The following MYLK3 variants were observed in gnomAD, a reference collection of about 807,000 sequenced individuals.
MYLK3 encodes the protein myosin light chain kinase 3, also known as MLC kinase.
MYLK3 carries 55 observed loss-of-function variants against 76.3 expected under a neutral mutation model. The ratio of observed to expected loss-of-function variants is 0.72; its 90% CI spans 0.58 to 0.90. MYLK3 has a LOEUF of 0.90. Ranked by LOEUF, MYLK3 falls within the 40% of genes least tolerant of loss-of-function variation. MYLK3 has a pLI of 0.00. For synonymous variants in MYLK3, 416 were observed against 425.4 expected (o/e 0.98, Z 0.27); for missense variants, 973 against 1,053.6 (o/e 0.92, Z 1.06).
chr16:46,737,657 C>T (rs1430627514), intron 3 of MYLK3, 54 bp downstream of exon 3: 5 of 1,504,580 alleles, frequency 3.3e-6, no homozygotes, highest in Non-Finnish European at 3.6e-6. Flanking sequence ...CGAGCTCCAG[C>T]GAGGGGCCAC....
intron 8 of MYLK3, among the ~76,000 whole-genome samples, chr16:46,725,454 T>A (rs1312555156): frequency 6.6e-6 from 1 of 152,228 alleles, no homozygotes; most frequent in Non-Finnish European, 1.5e-5. Context: ...GAAGTTCTGT[T>A]CCTCATTTGT....
At chr16:46,710,973 A>G (rs1966677882) in intron 10 of MYLK3, 184 bp from the exon 11 acceptor site, 1 of 662,184 alleles carries the variant, frequency 1.5e-6, no homozygotes, top group Non-Finnish European at 2.5e-6. Context: ...GAGGAAGCGG[A>G]AGGATTTAAA....
At chr16:46,737,124 G>A (rs1401501443) in intron 3 of MYLK3, among the ~76,000 whole-genome samples, 2 of 152,226 alleles carry the variant, frequency 1.3e-5, no homozygotes, top group Non-Finnish European at 2.9e-5. Context: ...GAAGCAGGAT[G>A]GTGCAGTGAT....
chr16:46,743,559 A>G (rs1478561832), intron 1 of MYLK3, among the ~76,000 whole-genome samples: 1 of 152,180 alleles, frequency 6.6e-6, no homozygotes, highest in Non-Finnish European at 1.5e-5. Flanking sequence ...AAACCTAAAG[A>G]CATTCCTAAC....
chr16:46,727,736 A>G (rs1293888284), intron 7 of MYLK3, among the ~76,000 whole-genome samples: 1 of 152,208 alleles, frequency 6.6e-6, no homozygotes, highest in East Asian at 1.9e-4. Context: ...CATGTCGGTC[A>G]GCCTTGTCTC....
rs746274347 is a variant in MYLK3, at chr16:46,732,179, G to A, written c.1462+29C>T. ...TCCAAACTCCCTCCCCTCAGGGCTC[G>A]TGTCTAGCCAGGCAACAGCCCCACT... is the stretch of plus-strand genomic sequence containing the variant. On this transcript the variant is annotated intron_variant, in intron 4 of 12. Coordinates refer to ENST00000394809, the MANE Select transcript of MYLK3 (RefSeq NM_182493.3). 1.8e-5 allele frequency: 27 copies of A among 1,533,090 alleles called. 1 individual carries two copies. The highest frequency in any genetic ancestry group is 1.2e-4 in the South Asian group (10 of 81,278). 95.0% of individuals were successfully genotyped at this position (1,533,090 alleles called of 1,614,324 possible). A position where few individuals can be genotyped will look rare whatever the true frequency, so the allele number is the denominator to read the frequency against.
intron 8 of MYLK3, chr16:46,725,848 A>T (rs984669819): frequency 6.6e-6 from 1 of 152,154 alleles, no homozygotes; most frequent in Non-Finnish European, 1.5e-5. Context: ...ATTCTTCTTC[A>T]AACATTTGGT....
upstream of MYLK3, among the ~76,000 whole-genome samples, chr16:46,748,649 G>T (rs1184420122): frequency 1.3e-5 from 2 of 152,154 alleles, no homozygotes; most frequent in Non-Finnish European, 2.9e-5. This position sits in a 1 kb window ranked among gnomAD's most constrained non-coding sequence, Gnocchi z 4.3. Context: ...GTCCTTAGAG[G>T]CCCAGAGCCC....
intron 1 of MYLK3, among the ~76,000 whole-genome samples, chr16:46,741,482 G>A (rs989958482): frequency 1.3e-5 from 2 of 152,236 alleles, no homozygotes; most frequent in Admixed American, 1.3e-4. Context: ...CCTCTTGCAA[G>A]AGCATGGTGC....
rs144785244 is a variant in MYLK3 at position 46,761,866 on chromosome 16, T to C, written c.-114+1174A>G. 7.3e-3 allele frequency among the ~76,000 whole-genome samples: 1,097 copies of C among 150,820 alleles called. 14 individuals carry two copies. Among genetic ancestry groups the C allele is most frequent in the African/African-American group, 0.025 (1,030 of 41,002 alleles). ...AATTCCACAGGCTGTAATGTGTGTG[T>C]ATTGCACTGCATGTAAGTCATGCCT... On this transcript the variant is annotated intron_variant, in intron 1 of 11. Transcript: ENST00000536476.
At chr16:46,716,473 A>G (rs1031235610) in intron 9 of MYLK3, among the ~76,000 whole-genome samples, 13 of 146,400 alleles carry the variant, frequency 8.9e-5, no homozygotes, top group Admixed American at 2.2e-4. Flanking sequence ...GTATATATAT[A>G]TGTGTGTGTG....
chr16:46,739,131 G>A (rs777958828), intron 2 of MYLK3, among the ~76,000 whole-genome samples: 6 of 152,020 alleles, frequency 3.9e-5, no homozygotes, highest in Non-Finnish European at 8.8e-5. Flanking sequence ...GTGAGCCACC[G>A]TGCCCGGCCT....
At chr16:46,707,926 C>T (rs1966643134) in intron 12 of MYLK3, among the ~76,000 whole-genome samples, 163 bp from the exon 13 acceptor site, 3 of 152,094 alleles carry the variant, frequency 2.0e-5, no homozygotes, top group South Asian at 4.1e-4. Flanking sequence ...AGAATAGTCA[C>T]ATGACTTTCA....
intron 8 of MYLK3, among the ~76,000 whole-genome samples, chr16:46,724,002 G>A (rs1049764292): frequency 3.9e-5 from 6 of 152,162 alleles, no homozygotes; most frequent in African/African-American, 1.2e-4. Context: ...TCAGTCTAGT[G>A]GATATGAAAT....
upstream of MYLK3, chr16:46,748,424 C>T (rs1967068949): frequency 2.8e-6 from 2 of 712,526 alleles, no homozygotes; most frequent in Non-Finnish European, 4.3e-6. This position sits in a 1 kb window ranked among gnomAD's most constrained non-coding sequence, Gnocchi z 4.3. Context: ...GAGTGACAGG[C>T]CGAGGTCAGC....
intron 8 of MYLK3, chr16:46,725,802 C>T (rs1336721973): frequency 6.6e-6 from 1 of 152,182 alleles, no homozygotes; most frequent in Non-Finnish European, 1.5e-5. Flanking sequence ...AGTGTTCTCT[C>T]CTCTTCTATT....
chr16:46,742,852 T>C (rs1351754637), intron 1 of MYLK3, among the ~76,000 whole-genome samples: 1 of 152,154 alleles, frequency 6.6e-6, no homozygotes, highest in Non-Finnish European at 1.5e-5. Flanking sequence ...CCCCTTATCC[T>C]TCTGCAGGCT....
intron 1 of MYLK3, chr16:46,757,582 C>A: frequency 1.0e-6 from 1 of 985,436 alleles, no homozygotes; most frequent in Non-Finnish European, 1.2e-6. Context: ...ACGCCCGGAG[C>A]GCTGGGAATG....
chr16:46,720,632 A>G (rs1966789656), intron 9 of MYLK3, among the ~76,000 whole-genome samples: 1 of 152,126 alleles, frequency 6.6e-6, no homozygotes, highest in African/African-American at 2.4e-5. Flanking sequence ...TTATATCACC[A>G]TTTCACCAAG....
Sources: gnomAD v4.1 joint callset for allele counts (sites outside exome capture counted in the v4.1 genomes callset) on GRCh38, gnomAD v4.1.1 for gene constraint, Gnocchi (gnomAD v3.1) non-coding constraint, MANE v1.5 for transcripts, NCBI Gene and HGNC (gene_info 2026-07-23, HGNC 2026-07-21) for gene names.